YIF1B: variants seen among roughly 807,000 people sequenced by gnomAD.
The protein encoded by YIF1B is Yip1 interacting factor homolog B, membrane trafficking protein.
Under a neutral mutation model 34.6 loss-of-function variants are expected in YIF1B, and 24 were observed. The observed-to-expected ratio is 0.69, with a 90% confidence interval of 0.50 to 0.98. YIF1B has a LOEUF of 0.98. YIF1B is among the 50% of genes least tolerant of loss of function. YIF1B has a pLI of 0.00. For missense variants in YIF1B, 368 were observed against 429.4 expected, an observed-to-expected ratio of 0.86 and a Z score of 1.26; for synonymous variants, 186 against 184.8, an observed-to-expected ratio of 1.01 and a Z score of -0.05.
intron 3 of YIF1B, 68 bp from the exon 4 acceptor site, chr19:38,309,125 T>A: frequency 1.9e-6 from 3 of 1,562,838 alleles, no homozygotes; most frequent in Non-Finnish European, 2.6e-6. Context: ...CAGGCCCTCC[T>A]CCCTCGAGGC....
At chr19:38,316,903 C>T (rs1365825746), upstream of YIF1B, among the ~76,000 whole-genome samples, 1 of 152,098 alleles carries the variant, frequency 6.6e-6, no homozygotes, top group Admixed American at 6.6e-5. Flanking sequence ...TCAAGCCATC[C>T]TCCTGCTTCA....
chr19:38,316,064 T>G (rs1215217462), upstream of YIF1B: 2 of 1,165,918 alleles, frequency 1.7e-6, no homozygotes, highest in Non-Finnish European at 2.2e-6. Context: ...GCCCCCCCCT[T>G]CACGGAGGCC....
upstream of YIF1B, chr19:38,317,284 G>A (rs1247364551): frequency 6.6e-6 from 1 of 152,272 alleles, no homozygotes; most frequent in Non-Finnish European, 1.5e-5. Context: ...TTACTTCTGC[G>A]CAGCGATAGC....
Position 38,304,436 on chromosome 19 carries a change from C to A in YIF1B, c.*916G>T. The A allele has an allele frequency of 6.4e-7, 1 of 1,559,704 alleles. No individual in the cohort carries two copies. Among genetic ancestry groups the A allele is most frequent in the Non-Finnish European group, 8.7e-7 (1 of 1,152,414 alleles). ...CGGGCCACGGGGGAGATCCCAAGCTCAGTCCCCACAAAGTTCAGGGCCGGT... is the reference window on the plus strand; with the variant it reads ...CGGGCCACGGGGGAGATCCCAAGCTAAGTCCCCACAAAGTTCAGGGCCGGT... On this transcript the variant is annotated 3_prime_UTR_variant, in exon 8 of 8. Coordinates refer to ENST00000339413, the MANE Select transcript of YIF1B (RefSeq NM_001039672.3).
In YIF1B at chr19:38,304,841, A is replaced by C. The variant is rs1968921855; in HGVS notation, c.*511T>G. 3 of 1,613,454 alleles carry C rather than the reference A, an allele frequency of 1.9e-6. No individual in the cohort carries two copies. The highest frequency in any genetic ancestry group is 2.5e-6 in the Non-Finnish European group (3 of 1,179,958). ...CTCTCCCATCCCTGCCCTCGGCCCC[A>C]CAGTCCCACGCTGCTGGCTCCAAGC... On this transcript the variant is annotated 3_prime_UTR_variant, in exon 8 of 8. Coordinates refer to ENST00000339413, the MANE Select transcript of YIF1B (RefSeq NM_001039672.3).
At chr19:38,315,803 C>T (rs562714790) in intron 1 of YIF1B, 57 bp downstream of exon 1, 25 of 1,512,824 alleles carry the variant, frequency 1.7e-5, no homozygotes, top group South Asian at 8.6e-5. Flanking sequence ...CCTCGCCAAC[C>T]GACGCGGCCG....
In YIF1B at chr19:38,305,059, C is replaced by A; in HGVS notation, c.*293G>T. The A allele has an allele frequency of 6.5e-7, 1 of 1,529,334 alleles. No individual in the cohort carries two copies. The allele number at this position is 1,529,334 out of a possible 1,614,324, so 94.7% of individuals were successfully genotyped here. On this transcript the variant is annotated 3_prime_UTR_variant, in exon 8 of 8. Transcript: ENST00000339413. Reference sequence around the variant, plus strand: ...TGGCCCGTCCCCAGCTCCCTGCCCCCTGCCCAGCGCTGGGCCCGCCCATTC... The same window carrying A: ...TGGCCCGTCCCCAGCTCCCTGCCCCATGCCCAGCGCTGGGCCCGCCCATTC...
rs201525690 is a variant in YIF1B at position 38,307,414 on chromosome 19, C to T, written c.789+14G>A. On this transcript the variant is annotated intron_variant, in intron 7 of 7. Transcript: ENST00000339413. ...ACCTGTGCCTCAGCCTCACCAGCCC[C>T]GAGCCCAGCTCACCATGAACACAAA... 5.1e-4 allele frequency: 824 copies of T among 1,613,198 alleles called. 12 individuals are homozygous for T. In the East Asian group the frequency reaches 0.018, roughly 35 times the overall value.
In YIF1B at chr19:38,304,685, A is replaced by G; in HGVS notation, c.*667T>C. On this transcript the variant is annotated 3_prime_UTR_variant, in exon 8 of 8. Transcript: ENST00000339413. ...TCCAGCGATTCGGACACGGATGTGA[A>G]GGTAAGGGGCTCTCGCCAGCGTCCC... The G allele has an allele frequency of 6.2e-7, 1 of 1,613,634 alleles. No homozygotes were observed. Among genetic ancestry groups the G allele is most frequent in the East Asian group, 2.2e-5 (1 of 44,860 alleles).
rs200055717 is a variant in YIF1B at position 38,304,216 on chromosome 19, A to G, written c.*1136T>C. 1.9e-6 allele frequency: 3 copies of G among 1,611,860 alleles called. No homozygotes were observed. The highest frequency in any genetic ancestry group is 2.5e-6 in the Non-Finnish European group (3 of 1,179,274). On this transcript the variant is annotated 3_prime_UTR_variant, in exon 8 of 8. Coordinates refer to ENST00000339413, the MANE Select transcript of YIF1B (RefSeq NM_001039672.3). ...TCCTCCCCCTGCTCCGCTCCTCTGC[A>G]GGGCCCAGGCGCCCTTGGCCTTAGG...
chr19:38,315,774 G>T (rs1395832785), intron 1 of YIF1B, 86 bp downstream of exon 1: 1 of 1,594,188 alleles, frequency 6.3e-7, no homozygotes, highest in South Asian at 1.1e-5. Flanking sequence ...TTGATCTCGT[G>T]ACCTCTGACC....
chr19:38,315,879 C>T lies in YIF1B; in HGVS notation c.39G>A (p.Thr13=). ...ACGTACGCCACTTACGCAGCCGGGG[C>T]GTCCCCGCAGCCGCCGCCGCCAAGC... ...PAGLAAAAAG[T]PRLRKWPSKR... is the part of the protein sequence containing the mutation. The change falls in exon 1 of 8, where the codon ACG becomes ACA. Residue 13 remains threonine (T), a synonymous_variant. Transcript: ENST00000339413. 1.3e-6 allele frequency: 2 copies of T among 1,490,298 alleles called. No individual in the cohort carries two copies. The highest frequency in any genetic ancestry group is 1.3e-5 in the South Asian group (1 of 78,730). The allele number at this position is 1,490,298 out of a possible 1,614,324, so 92.3% of individuals were successfully genotyped here. A position where few individuals can be genotyped will look rare whatever the true frequency, so the allele number is the denominator to read the frequency against.
rs1322793140 is a variant in YIF1B, at chr19:38,309,657, G to C, written c.59-14C>G. 2 of 1,590,140 alleles carry C rather than the reference G, an allele frequency of 1.3e-6. No individual in the cohort carries two copies. The highest frequency in any genetic ancestry group is 1.7e-6 in the Non-Finnish European group (2 of 1,171,672). ...TCCGCTTCGAGGCTGCAAGGGAAGA[G>C]AGTGAGAAGGAGCTGGGGACCCAGG... On this transcript the variant is annotated splice_polypyrimidine_tract_variant and intron_variant, in intron 1 of 7. Transcript: ENST00000339413.
At position 38,309,031 on chromosome 19, in the gene YIF1B, G is replaced by A; in HGVS notation, c.429C>T (p.Asp143=). Residue 143 remains aspartate, a synonymous_variant, in exon 4 of 8, where the codon GAC becomes GAT. Coordinates refer to ENST00000339413, the MANE Select transcript of YIF1B (RefSeq NM_001039672.3). ...CGTCAAAGCGGGGGGCCACCGGGGTGTCCTGTTGGTACTGCACTTCCCAGT... is the reference window on the plus strand; with the variant it reads ...CGTCAAAGCGGGGGGCCACCGGGGTATCCTGTTGGTACTGCACTTCCCAGT... The part of the protein sequence containing the change: ...HQDWEVQYQQ[D]TPVAPRFDVN... 4 of 1,559,744 alleles carry A rather than the reference G, an allele frequency of 2.6e-6. No individual in the cohort carries two copies. Among genetic ancestry groups the A allele is most frequent in the Non-Finnish European group, 3.5e-6 (4 of 1,151,294 alleles).
rs773823889 is a variant in YIF1B at position 38,304,677 on chromosome 19, G to A, written c.*675C>T. On this transcript the variant is annotated 3_prime_UTR_variant, in exon 8 of 8. Transcript: ENST00000339413. ...GCAGCAGCTCCAGCGATTCGGACAC[G>A]GATGTGAAGGTAAGGGGCTCTCGCC... 10 of 1,613,646 alleles carry A rather than the reference G, an allele frequency of 6.2e-6. No homozygotes were observed. The highest frequency in any genetic ancestry group is 8.5e-6 in the Non-Finnish European group (10 of 1,179,974).
At chr19:38,315,819 C>A in intron 1 of YIF1B, 41 bp downstream of exon 1, 1 of 1,514,884 alleles carries the variant, frequency 6.6e-7, no homozygotes. Context: ...GGCCGCCCCG[C>A]CACGCCCCCG....
chr19:38,311,114 C>T (rs1168713052), intron 1 of YIF1B, among the ~76,000 whole-genome samples: 2 of 151,968 alleles, frequency 1.3e-5, no homozygotes, highest in African/African-American at 4.8e-5. Context: ...TGGCGAGACC[C>T]CATCTCTACA....
rs1969207319 is a variant in YIF1B at position 38,309,299 on chromosome 19, G to C, written c.327C>G (p.Leu109=). ...TGGTGTCCACAGCAAAGTAATACTTGAGCTTGGTGATGGGGATGAAGCGGT... is the reference window on the plus strand; with the variant it reads ...TGGTGTCCACAGCAAAGTAATACTTCAGCTTGGTGATGGGGATGAAGCGGT... ...NIDRFIPITK[L]KYYFAVDTMY... The change falls in exon 3 of 8, where the codon CTC becomes CTG. Residue 109 remains leucine, a synonymous_variant. Coordinates refer to ENST00000339413, the MANE Select transcript of YIF1B (RefSeq NM_001039672.3). The C allele has an allele frequency of 6.2e-7, 1 of 1,614,008 alleles. No homozygotes were observed. Among genetic ancestry groups the C allele is most frequent in the African/African-American group, 1.3e-5 (1 of 74,910 alleles).
At chr19:38,310,470 TCATC>T (rs1355502803) in intron 1 of YIF1B, among the ~76,000 whole-genome samples, 2 of 144,738 alleles carry the variant, frequency 1.4e-5, no homozygotes, top group Non-Finnish European at 3.0e-5. Context: ...CACCCATCTA[TCATC>T]CATCCATCCA....
Sources: allele counts gnomAD v4.1 joint callset (sites outside exome capture counted in the v4.1 genomes callset), GRCh38; gene constraint gnomAD v4.1.1; transcripts MANE v1.5; gene names NCBI Gene and HGNC (gene_info 2026-07-23, HGNC 2026-07-21).